The following DCC variants were observed in gnomAD, a reference collection of about 807,000 sequenced individuals.
The protein encoded by DCC is netrin receptor DCC.
A neutral mutation model predicts 172.5 loss-of-function variants in DCC; 58 were observed. The ratio of observed to expected loss-of-function variants is 0.34; its 90% CI spans 0.27 to 0.42. DCC has a LOEUF of 0.42. Among genes scored for constraint, DCC ranks in the 10% least tolerant of loss-of-function variants. The pLI is 1.00. For synonymous variants in DCC, 709 were observed against 644.5 expected, an observed-to-expected ratio of 1.10 and a Z score of -1.52; for missense variants, 1,740 against 1,791.0, an observed-to-expected ratio of 0.97 and a Z score of 0.51.
chr18:52,769,206 G>A (rs2037301786), intron 2 of DCC, among the ~76,000 whole-genome samples: 1 of 152,188 alleles, frequency 6.6e-6, no homozygotes, highest in Non-Finnish European at 1.5e-5. Context: ...AGCAATTAAT[G>A]ACAGTTTGTT....
At chr18:52,811,904 T>G (rs1041932450) in intron 2 of DCC, among the ~76,000 whole-genome samples, 18 of 152,186 alleles carry the variant, frequency 1.2e-4, no homozygotes, top group African/African-American at 3.9e-4. Context: ...AAATTTCGGT[T>G]TATTCTGTTA....
At chr18:53,396,347 C>A (rs547118620) in intron 17 of DCC, among the ~76,000 whole-genome samples, 1 of 152,164 alleles carries the variant, frequency 6.6e-6, no homozygotes, top group African/African-American at 2.4e-5. Context: ...TGGATTAAAC[C>A]TTGCATCATG....
chr18:53,416,075 T>G, intron 20 of DCC, 49 bp from the exon 21 acceptor site: 1 of 1,440,426 alleles, frequency 6.9e-7, no homozygotes, highest in Non-Finnish European at 9.8e-7. Flanking sequence ...TCAGCTTTCT[T>G]GCTAGGAACT....
intron 2 of DCC, among the ~76,000 whole-genome samples, chr18:52,845,915 G>A (rs1301008833): frequency 6.7e-6 from 1 of 150,048 alleles, no homozygotes; most frequent in Non-Finnish European, 1.5e-5. Flanking sequence ...AGGTTAGTTT[G>A]TTGTTTCTGA....
chr18:53,232,620 A>G (rs1226672819), intron 12 of DCC, among the ~76,000 whole-genome samples: 2 of 152,148 alleles, frequency 1.3e-5, no homozygotes, highest in East Asian at 3.9e-4. Flanking sequence ...GTCTTCATGC[A>G]CTTATTCAAC....
intron 5 of DCC, among the ~76,000 whole-genome samples, chr18:52,991,656 G>T (rs908076746): frequency 8.6e-5 from 13 of 152,022 alleles, no homozygotes; most frequent in Admixed American, 7.9e-4. Flanking sequence ...TTACCCTCTC[G>T]ATTGGTACTG....
chr18:53,413,498 C>G (rs1910111522), intron 20 of DCC, among the ~76,000 whole-genome samples: 2 of 152,090 alleles, frequency 1.3e-5, no homozygotes, highest in Admixed American at 1.3e-4. Flanking sequence ...GGAAAATACT[C>G]TTCAGTAGAT....
At chr18:52,576,593 G>T (rs1321856464) in intron 1 of DCC, among the ~76,000 whole-genome samples, 3 of 152,096 alleles carry the variant, frequency 2.0e-5, no homozygotes. Flanking sequence ...AGTTTGGGAG[G>T]CCGAGGCGTG....
chr18:53,051,416 T>C (rs1475134946), intron 5 of DCC, among the ~76,000 whole-genome samples: 1 of 152,116 alleles, frequency 6.6e-6, no homozygotes, highest in Non-Finnish European at 1.5e-5. Context: ...GGAATTCTTT[T>C]CAGTAACCAT....
intron 1 of DCC, among the ~76,000 whole-genome samples, chr18:52,722,747 T>A (rs1200872282): frequency 4.5e-4 from 69 of 152,174 alleles, no homozygotes; most frequent in Non-Finnish European, 1.2e-4. Flanking sequence ...CACTGAGCAG[T>A]GCAGTCACTA....
At chr18:52,637,087 C>A (rs2034795964) in intron 1 of DCC, among the ~76,000 whole-genome samples, 1 of 152,188 alleles carries the variant, frequency 6.6e-6, no homozygotes, top group South Asian at 2.1e-4. Flanking sequence ...TACATTTTGG[C>A]TCACAGGAAG....
intron 1 of DCC, among the ~76,000 whole-genome samples, chr18:52,504,109 C>G (rs1431738596): frequency 2.6e-5 from 4 of 152,156 alleles, no homozygotes; most frequent in Non-Finnish European, 4.4e-5. Context: ...TTTCCCACCC[C>G]TTCCAGCTTC....
chr18:53,021,179 G>A (rs1456263929), intron 5 of DCC, among the ~76,000 whole-genome samples: 1 of 152,202 alleles, frequency 6.6e-6, no homozygotes, highest in Non-Finnish European at 1.5e-5. Flanking sequence ...GGCGAAGACA[G>A]AGGTTGGCTC....
chr18:53,140,663 G>A (rs1213421449), intron 7 of DCC, among the ~76,000 whole-genome samples: 1 of 152,066 alleles, frequency 6.6e-6, no homozygotes, highest in Non-Finnish European at 1.5e-5. Flanking sequence ...TTCAGGAAGG[G>A]AAACTAGTAA....
chr18:52,835,496 G>C (rs895584063), intron 2 of DCC, among the ~76,000 whole-genome samples: 1 of 152,180 alleles, frequency 6.6e-6, no homozygotes, highest in Non-Finnish European at 1.5e-5. Context: ...AAGGAAATAT[G>C]ACTGAATATT....
intron 1 of DCC, among the ~76,000 whole-genome samples, chr18:52,664,492 T>TTTG (rs2035426441): frequency 6.8e-6 from 1 of 146,676 alleles, no homozygotes; most frequent in African/African-American, 2.5e-5. Flanking sequence ...TTTTTTTTTT[T>TTTG]GAGACCGAGG....
chr18:53,075,134 T>C (rs555013446), intron 7 of DCC, among the ~76,000 whole-genome samples: 9 of 152,224 alleles, frequency 5.9e-5, no homozygotes, highest in Non-Finnish European at 1.2e-4. Flanking sequence ...CATATTTTAA[T>C]GACAATGTCC....
chr18:53,338,100 G>T (rs1217305500), intron 14 of DCC, among the ~76,000 whole-genome samples: 4 of 152,178 alleles, frequency 2.6e-5, no homozygotes, highest in African/African-American at 4.8e-5. Context: ...ATACTTCCCT[G>T]ATTTTCAAAG....
At chr18:52,805,931 A>G (rs1440136090) in intron 2 of DCC, among the ~76,000 whole-genome samples, 1 of 152,228 alleles carries the variant, frequency 6.6e-6, no homozygotes, top group East Asian at 1.9e-4. Context: ...TCACTGTACC[A>G]AGAAATCATT....
Sources: allele counts gnomAD v4.1 joint callset (sites outside exome capture counted in the v4.1 genomes callset), GRCh38; gene constraint gnomAD v4.1.1; transcripts MANE v1.5; gene names NCBI Gene and HGNC (gene_info 2026-07-23, HGNC 2026-07-21).